The following VIPAS39 variants were observed in gnomAD, a reference collection of about 807,000 sequenced individuals.
The protein encoded by VIPAS39 is VPS33B interacting protein, apical-basolateral polarity regulator, spe-39 homolog.
A neutral mutation model predicts 84.7 loss-of-function variants in VIPAS39; 63 were observed. The observed-to-expected ratio is 0.74, with a 90% CI of 0.61 to 0.92. VIPAS39 has a LOEUF of 0.92. Among genes scored for constraint, VIPAS39 ranks in the 40% least tolerant of loss-of-function variants. The probability of loss-of-function intolerance (pLI) is 0.00; values close to 1 mark genes in which losing one functional copy is unlikely to be tolerated. For synonymous variants in VIPAS39, 192 were observed against 216.5 expected, an observed-to-expected ratio of 0.89 and a Z score of 0.99; for missense variants, 499 against 604.5, an observed-to-expected ratio of 0.83 and a Z score of 1.83.
In VIPAS39 at chr14:77,441,067, G is replaced by A. The variant is rs201678794; in HGVS notation, c.761C>T (p.Ala254Val). 2.4e-5 allele frequency: 39 copies of A among 1,613,102 alleles called. No individual in the cohort carries two copies. The highest frequency in any genetic ancestry group is 1.6e-4 in the Middle Eastern group (1 of 6,080). The change falls in exon 11 of 20, where the codon GCG becomes GTG. Residue 254 changes from alanine (A) to valine (V), a missense_variant and splice_region_variant. Physicochemically the swap from Ala to Val is moderately conservative, Grantham distance 64. Transcript: ENST00000557658. ...FRFLDRTEEL[A>V]LSHYREHLNI... Reference sequence around the variant, plus strand: ...AACTGAAACAAAGGCCACACTTACCGCAAGCTCTTCTGTTCTATCTAGGAA... The same window carrying A: ...AACTGAAACAAAGGCCACACTTACCACAAGCTCTTCTGTTCTATCTAGGAA...
At chr14:77,449,089 T>G (rs2078842664) in intron 6 of VIPAS39, among the ~76,000 whole-genome samples, 1 of 152,142 alleles carries the variant, frequency 6.6e-6, no homozygotes, top group African/African-American at 2.4e-5. Context: ...TGAGTCAGAA[T>G]ATAGAGATTA....
At chr14:77,444,445 GGA>G (rs2078754292) in intron 7 of VIPAS39, 104 bp from the exon 8 acceptor site, 1 of 1,037,842 alleles carries the variant, frequency 9.6e-7, no homozygotes, top group Non-Finnish European at 1.4e-6. Flanking sequence ...ATGTCCCCAA[GGA>G]GAGTCTCTTT....
At chr14:77,428,769 T>A (rs2078471373) in intron 18 of VIPAS39, among the ~76,000 whole-genome samples, 1 of 152,172 alleles carries the variant, frequency 6.6e-6, no homozygotes, top group African/African-American at 2.4e-5. Context: ...ATAGCTTGAT[T>A]TAGTTCTATG....
At chr14:77,456,862 C>A in intron 1 of VIPAS39, among the ~76,000 whole-genome samples, 1 of 152,092 alleles carries the variant, frequency 6.6e-6, no homozygotes. Context: ...GATCTAGTGG[C>A]TCTAGAGTTA....
chr14:77,436,015 G>T, intron 12 of VIPAS39, 96 bp from the exon 13 acceptor site: 2 of 1,202,178 alleles, frequency 1.7e-6, no homozygotes, highest in East Asian at 2.4e-5. Flanking sequence ...AGAGGCTCAC[G>T]GTGCCTCACA....
chr14:77,434,203 T>C, intron 15 of VIPAS39, 59 bp downstream of exon 15: 1 of 1,520,474 alleles, frequency 6.6e-7, no homozygotes. Context: ...CAAAGCAACA[T>C]CCACTCCATG....
intron 7 of VIPAS39, among the ~76,000 whole-genome samples, chr14:77,446,917 TC>T (rs1315744260): frequency 1.3e-5 from 2 of 151,942 alleles, no homozygotes; most frequent in Admixed American, 6.6e-5. Context: ...GCTCAAGCAA[TC>T]CTTCCATCTC....
chr14:77,451,948 A>C (rs1009159959), intron 3 of VIPAS39, among the ~76,000 whole-genome samples: 3 of 152,222 alleles, frequency 2.0e-5, no homozygotes, highest in African/African-American at 7.2e-5. Context: ...CCCAATACAG[A>C]TGCAAACATC....
At chr14:77,444,732 C>G (rs898173931) in intron 7 of VIPAS39, among the ~76,000 whole-genome samples, 1 of 151,890 alleles carries the variant, frequency 6.6e-6, no homozygotes, top group Non-Finnish European at 1.5e-5. Context: ...GCCACCATGC[C>G]CGGCTAATTT....
chr14:77,445,030 C>T (rs113841689), intron 7 of VIPAS39, among the ~76,000 whole-genome samples: 16 of 151,524 alleles, frequency 1.1e-4, no homozygotes, highest in African/African-American at 3.9e-4. Context: ...GCAATCTTGG[C>T]TCACTGCAAG....
chr14:77,439,459 T>C (rs919969086), intron 11 of VIPAS39, among the ~76,000 whole-genome samples: 7 of 152,154 alleles, frequency 4.6e-5, no homozygotes, highest in African/African-American at 1.7e-4. Flanking sequence ...GATTCTCTCA[T>C]GCTTTGAATA....
At chr14:77,429,604 C>T in intron 17 of VIPAS39, 77 bp downstream of exon 17, 2 of 1,437,322 alleles carry the variant, frequency 1.4e-6, no homozygotes, top group Non-Finnish European at 9.8e-7. Context: ...ATCGGGTCTC[C>T]CATCACTGAC....
rs1257756856 is a variant in VIPAS39, at chr14:77,441,072, C to T, written c.756G>A (p.Glu252=). Residue 252 remains glutamate (E), a synonymous_variant, in exon 11 of 20, where the codon GAG becomes GAA. Transcript: ENST00000557658. Reference sequence around the variant, plus strand: ...AAACAAAGGCCACACTTACCGCAAGCTCTTCTGTTCTATCTAGGAACCTGG... The same window carrying T: ...AAACAAAGGCCACACTTACCGCAAGTTCTTCTGTTCTATCTAGGAACCTGG... ...DLFRFLDRTE[E]LALSHYREHL... The T allele has an allele frequency of 1.9e-6, 3 of 1,610,886 alleles. No homozygotes were observed. Among genetic ancestry groups the T allele is most frequent in the South Asian group, 2.2e-5 (2 of 91,080 alleles).
At chr14:77,435,054 C>G in intron 14 of VIPAS39, 1 of 677,172 alleles carries the variant, frequency 1.5e-6, no homozygotes, top group Non-Finnish European at 2.5e-6. Flanking sequence ...TGCCAGCTCA[C>G]TTGAAGCTAC....
intron 1 of VIPAS39, chr14:77,457,185 A>G (rs2078972882): frequency 1.4e-6 from 2 of 1,479,272 alleles, no homozygotes. Flanking sequence ...GAGTTAAGCT[A>G]GGATGACTCT....
chr14:77,435,169 T>C (rs2078587427), intron 14 of VIPAS39, 90 bp downstream of exon 14: 1 of 1,582,340 alleles, frequency 6.3e-7, no homozygotes, highest in African/African-American at 1.3e-5. Context: ...TACATACCCA[T>C]TATTAATAGA....
intron 8 of VIPAS39, among the ~76,000 whole-genome samples, chr14:77,443,534 A>G (rs534293833): frequency 1.3e-3 from 192 of 152,064 alleles, no homozygotes; most frequent in Non-Finnish European, 2.2e-3. Context: ...AGATTACTTG[A>G]GCCCAGGAGT....
Position 77,449,310 on chromosome 14 carries a change from G to A in VIPAS39, c.430C>T (p.Pro144Ser). The part of the protein sequence containing the change: ...AKSYAPELGR[P>S]KGEYRDYSND... The stretch of plus-strand genomic sequence containing the variant: ...TAACTCACCCTATACTCCCCTTTGG[G>A]TCTCCCCAGCTCTGGAGCATAGCTT... The change falls in exon 6 of 20, where the codon CCC becomes TCC. Residue 144 changes from proline (P) to serine (S), a missense_variant. Physicochemically the swap from Pro to Ser is moderately conservative, Grantham distance 74 (BLOSUM62 -1). Coordinates refer to ENST00000557658, the MANE Select transcript of VIPAS39 (RefSeq NM_001193315.2). 1 of 1,614,188 alleles carries A rather than the reference G, an allele frequency of 6.2e-7. No individual in the cohort carries two copies. Among genetic ancestry groups the A allele is most frequent in the Non-Finnish European group, 8.5e-7 (1 of 1,180,034 alleles).
In VIPAS39 at chr14:77,453,359, C is replaced by T. The variant is rs148360332; in HGVS notation, c.136G>A (p.Val46Met). The change falls in exon 3 of 20, where the codon GTG becomes ATG. Residue 46 changes from valine (V) to methionine (M), a missense_variant. Val to Met is a conservative substitution (Grantham distance 21). Transcript: ENST00000557658. ...KRAVNSLRDF[V>M]DDDDDDDLER... Reference sequence around the variant, plus strand: ...AGGTCATCATCGTCATCATCATCCACGAAGTCTCGGAGGCTGTTCACCGCC... The same window carrying T: ...AGGTCATCATCGTCATCATCATCCATGAAGTCTCGGAGGCTGTTCACCGCC... 2,233 of 1,614,086 alleles carry T rather than the reference C, an allele frequency of 1.4e-3. 9 individuals carry two copies. The highest frequency in any genetic ancestry group is 6.3e-3 in the Middle Eastern group (38 of 6,062).
Sources: gnomAD v4.1 joint callset for allele counts (sites outside exome capture counted in the v4.1 genomes callset) on GRCh38, gnomAD v4.1.1 for gene constraint, MANE v1.5 for transcripts, NCBI Gene and HGNC (gene_info 2026-07-23, HGNC 2026-07-21) for gene names.